FBXL2: variants seen among roughly 807,000 people sequenced by gnomAD.
FBXL2 encodes F-box/LRR-repeat protein 2.
In FBXL2, 38 loss-of-function variants were observed where a neutral mutation model predicts 69.2. The observed-to-expected ratio is 0.55, with a 90% CI of 0.42 to 0.72. FBXL2 has a LOEUF of 0.72. Ranked by LOEUF, FBXL2 falls within the 30% of genes least tolerant of loss-of-function variation. FBXL2 has a pLI of 0.00. For synonymous variants in FBXL2, 192 were observed against 201.3 expected, an observed-to-expected ratio of 0.95 and a Z score of 0.39; for missense variants, 354 against 520.3, an observed-to-expected ratio of 0.68 and a Z score of 3.11.
intron 1 of FBXL2, among the ~76,000 whole-genome samples, chr3:33,296,993 A>G (rs965586086): frequency 1.3e-5 from 2 of 152,204 alleles, no homozygotes; most frequent in African/African-American, 4.8e-5. Context: ...AGCGTTGCTA[A>G]CATAACACTA....
At chr3:33,376,394 A>G (rs181717823) in intron 10 of FBXL2, among the ~76,000 whole-genome samples, 4 of 152,256 alleles carry the variant, frequency 2.6e-5, no homozygotes, top group Admixed American at 2.6e-4. Context: ...AGAATTGTAT[A>G]TTTCTGCTTT....
At chr3:33,365,282 G>T (rs1426744807) in intron 5 of FBXL2, among the ~76,000 whole-genome samples, 12 of 137,230 alleles carry the variant, frequency 8.7e-5, no homozygotes, top group Admixed American at 1.5e-4. Flanking sequence ...ATTTATTGGG[G>T]TTTTTTTTTT....
chr3:33,361,000 C>T (rs1363273356), intron 4 of FBXL2, among the ~76,000 whole-genome samples: 5 of 128,966 alleles, frequency 3.9e-5, no homozygotes, highest in South Asian at 2.6e-4. Flanking sequence ...GGCGTGGTCT[C>T]GGCTCACTGC....
In FBXL2 at chr3:33,387,398, T is replaced by TC. The variant is rs2043517442; in HGVS notation, c.*1790_*1791insC. The TC allele has an allele frequency of 6.6e-6, 1 of 151,596 alleles. No homozygotes were observed. Among genetic ancestry groups the TC allele is most frequent in the African/African-American group, 2.4e-5 (1 of 41,234 alleles). 9.4% of individuals were successfully genotyped at this position (151,596 alleles called of 1,614,324 possible). On this transcript the variant is annotated 3_prime_UTR_variant, in exon 15 of 15. Transcript: ENST00000484457. ...GGGTGGATCACCTGAGGTCAGGAGT[T>TC]TGAGACCAGCCTGGCCAACACAGTA...
intron 1 of FBXL2, among the ~76,000 whole-genome samples, chr3:33,286,011 T>C (rs1420242729): frequency 6.6e-6 from 1 of 152,154 alleles, no homozygotes; most frequent in Non-Finnish European, 1.5e-5. Context: ...AGAAGTTTGT[T>C]ATTACCGATC....
At chr3:33,287,512 C>T (rs1274126634) in intron 1 of FBXL2, among the ~76,000 whole-genome samples, 7 of 152,064 alleles carry the variant, frequency 4.6e-5, no homozygotes, top group Admixed American at 2.6e-4. Flanking sequence ...GACAGGGCCT[C>T]GTTCTGCCAC....
chr3:33,364,597 T>G (rs377204438), intron 4 of FBXL2, 28 bp from the exon 5 acceptor site: 26 of 1,597,692 alleles, frequency 1.6e-5, no homozygotes, highest in Non-Finnish European at 2.1e-5. Context: ...AAACAGTATT[T>G]TTTCCTCCCG....
At chr3:33,383,363 T>A (rs951844335) in intron 13 of FBXL2, 7 of 153,052 alleles carry the variant, frequency 4.6e-5, no homozygotes, top group African/African-American at 1.4e-4. Flanking sequence ...ATAGAGAACT[T>A]AAGAGAATTA....
intron 2 of FBXL2, among the ~76,000 whole-genome samples, chr3:33,300,259 T>G (rs2061899720): frequency 6.6e-6 from 1 of 152,186 alleles, no homozygotes; most frequent in South Asian, 2.1e-4. Flanking sequence ...TTCTGTCTGT[T>G]GATACCAAAA....
the FBXL2 span, among the ~76,000 whole-genome samples, chr3:33,415,071 T>C: frequency 1.3e-4 from 20 of 152,340 alleles, no homozygotes; most frequent in African/African-American, 4.1e-4. Flanking sequence ...TACAAGGAAG[T>C]TGAACTTAAA....
intron 2 of FBXL2, among the ~76,000 whole-genome samples, chr3:33,323,430 A>C (rs1019662255): frequency 5.9e-5 from 9 of 152,218 alleles, no homozygotes; most frequent in South Asian, 4.1e-4. Flanking sequence ...CATCTACATT[A>C]GGTATTTCTC....
At chr3:33,406,331 G>C (rs934688517), downstream of FBXL2, among the ~76,000 whole-genome samples, 2 of 152,210 alleles carry the variant, frequency 1.3e-5, no homozygotes, top group Non-Finnish European at 2.9e-5. Context: ...ACTGTTTGAT[G>C]AACCCAAGAC....
chr3:33,382,052 A>G (rs1303731168), intron 13 of FBXL2, among the ~76,000 whole-genome samples: 2 of 152,172 alleles, frequency 1.3e-5, no homozygotes, highest in Non-Finnish European at 2.9e-5. Context: ...TGGGGCTGTT[A>G]CAACCAGTAC....
At chr3:33,397,784 T>G (rs1373852000) in intron 12 of FBXL2, 1 of 152,128 alleles carries the variant, frequency 6.6e-6, no homozygotes, top group Non-Finnish European at 1.5e-5. Flanking sequence ...AGTGTAAATG[T>G]CTCTCTATAC....
At chr3:33,416,727 T>A in the FBXL2 span, 14 of 1,509,252 alleles carry the variant, frequency 9.3e-6, no homozygotes, top group Non-Finnish European at 1.3e-5. Flanking sequence ...CACAGCAATA[T>A]CCATTGGGAA....
intron 12 of FBXL2, chr3:33,400,182 C>T: frequency 6.4e-7 from 1 of 1,567,776 alleles, no homozygotes; most frequent in Non-Finnish European, 8.6e-7. Flanking sequence ...CACACACATA[C>T]ACATACCTGA....
chr3:33,366,613 A>G (rs1333693307), intron 5 of FBXL2, among the ~76,000 whole-genome samples: 1 of 152,172 alleles, frequency 6.6e-6, no homozygotes, highest in African/African-American at 2.4e-5. Flanking sequence ...GCAGTGAGCT[A>G]TGATCACACC....
chr3:33,422,147 T>C, the FBXL2 span, among the ~76,000 whole-genome samples: 1 of 152,246 alleles, frequency 6.6e-6, no homozygotes, highest in Non-Finnish European at 1.5e-5. Flanking sequence ...TACTTTAAAT[T>C]AGCAAGCTTC....
intron 13 of FBXL2, 36 bp downstream of exon 13, chr3:33,378,777 A>G: frequency 6.2e-7 from 1 of 1,613,968 alleles, no homozygotes; most frequent in South Asian, 1.1e-5. Context: ...TTCACCTGTT[A>G]AAGATGAAAG....
Sources: gnomAD v4.1 joint callset for allele counts (sites outside exome capture counted in the v4.1 genomes callset) on GRCh38, gnomAD v4.1.1 for gene constraint, MANE v1.5 for transcripts, NCBI Gene and HGNC (gene_info 2026-07-23, HGNC 2026-07-21) for gene names.